XRCC6: variants seen among roughly 807,000 people sequenced by gnomAD.
XRCC6 encodes the protein DNA repair protein Ku70.
XRCC6 carries 5 observed loss-of-function variants against 65.7 expected under a neutral mutation model. The ratio of observed to expected loss-of-function variants is 0.08; its 90% CI spans 0.04 to 0.16. XRCC6 has a LOEUF of 0.16. Among genes scored for constraint, XRCC6 ranks in the 10% least tolerant of loss-of-function variants. The pLI is 1.00. For synonymous variants in XRCC6, 270 were observed against 270.6 expected (o/e 1.00, Z 0.02); for missense variants, 447 against 738.1 (o/e 0.61, Z 4.57).
intron 8 of XRCC6, among the ~76,000 whole-genome samples, chr22:41,651,814 G>T (rs2068001636): frequency 1.4e-5 from 2 of 147,790 alleles, no homozygotes; most frequent in Non-Finnish European, 1.5e-5. Context: ...TCATTTTTTT[G>T]TTGTTGTCGC....
At chr22:41,657,148 T>C (rs2068052500) in intron 10 of XRCC6, 116 bp downstream of exon 10, 3 of 1,249,122 alleles carry the variant, frequency 2.4e-6, no homozygotes, top group South Asian at 1.8e-5. Flanking sequence ...GACAGATTAC[T>C]ACTTGTTATT....
chr22:41,635,423 A>G (rs141797912), intron 3 of XRCC6, among the ~76,000 whole-genome samples: 2 of 152,346 alleles, frequency 1.3e-5, no homozygotes, highest in East Asian at 3.9e-4. Flanking sequence ...AGATCACATG[A>G]CCTGTCCAAA....
intron 8 of XRCC6, 39 bp downstream of exon 8, chr22:41,650,930 C>T: frequency 1.2e-6 from 2 of 1,610,932 alleles, no homozygotes; most frequent in Non-Finnish European, 1.7e-6. Flanking sequence ...CTCTAACACA[C>T]AGTGCAGTTT....
At chr22:41,644,967 T>C (rs543955745) in intron 6 of XRCC6, among the ~76,000 whole-genome samples, 27 of 152,204 alleles carry the variant, frequency 1.8e-4, no homozygotes, top group Admixed American at 3.3e-4. Context: ...CCCTCACTTA[T>C]AGAAGGTCAA....
intron 2 of XRCC6, among the ~76,000 whole-genome samples, chr22:41,624,922 G>A (rs1274578408): frequency 4.0e-5 from 6 of 151,842 alleles, no homozygotes; most frequent in Non-Finnish European, 7.4e-5. Context: ...GCGTGAACCC[G>A]GGAGGCGGAG....
At position 41,636,109 on chromosome 22, in the gene XRCC6, T is replaced by G. The variant is rs749103279; in HGVS notation, c.196-4T>G. On this transcript the variant is annotated splice_polypyrimidine_tract_variant and splice_region_variant and intron_variant, in intron 3 of 12. Transcript: ENST00000360079. ...GTAAATATTAATTGAATTTTTTTTT[T>G]CAGTGTATCCAAAGTGTGTACATCA... 6.4e-7 allele frequency: 1 copy of G among 1,572,072 alleles called. No individual in the cohort carries two copies. The highest frequency in any genetic ancestry group is 1.4e-5 in the African/African-American group (1 of 72,324).
intron 3 of XRCC6, among the ~76,000 whole-genome samples, chr22:41,633,522 A>G (rs2067778792): frequency 6.6e-6 from 1 of 151,656 alleles, no homozygotes; most frequent in Non-Finnish European, 1.5e-5. Context: ...GACTACAGGC[A>G]CCCACCACCA....
chr22:41,622,144 T>C, intron 2 of XRCC6, 58 bp downstream of exon 2: 1 of 1,564,610 alleles, frequency 6.4e-7, no homozygotes, highest in Non-Finnish European at 8.8e-7. Flanking sequence ...CTTCCCTGCC[T>C]ATCTCTGCTG....
chr22:41,656,201 G>A (rs529531692), intron 9 of XRCC6, among the ~76,000 whole-genome samples: 3 of 131,178 alleles, frequency 2.3e-5, no homozygotes, highest in East Asian at 4.9e-4. Context: ...CTGGGTGATA[G>A]CAAGATCCTG....
rs1344429259 is a variant in XRCC6 at position 41,663,968 on chromosome 22, G to A, written c.*153G>A. On this transcript the variant is annotated 3_prime_UTR_variant, in exon 13 of 13. Coordinates refer to ENST00000360079, the MANE Select transcript of XRCC6 (RefSeq NM_001469.5). ...GTTTTTGAGGCTTTCTGTTGCCATG[G>A]TGATGGTGTAGCCCTCCCACTTTGC... is the stretch of plus-strand genomic sequence containing the variant. 8.4e-6 allele frequency: 7 copies of A among 829,026 alleles called. No individual in the cohort carries two copies. The highest frequency in any genetic ancestry group is 1.3e-5 in the Non-Finnish European group (7 of 534,966). 51.4% of individuals were successfully genotyped at this position (829,026 alleles called of 1,614,324 possible). A position where few individuals can be genotyped will look rare whatever the true frequency, so the allele number is the denominator to read the frequency against.
intron 3 of XRCC6, among the ~76,000 whole-genome samples, chr22:41,634,576 G>A (rs1473194927): frequency 1.0e-4 from 15 of 144,026 alleles, no homozygotes; most frequent in African/African-American, 2.6e-4. Context: ...ATGGAGTCTC[G>A]CTCTGTTGCC....
At chr22:41,633,556 G>GT (rs1458197326) in intron 3 of XRCC6, among the ~76,000 whole-genome samples, 1 of 151,950 alleles carries the variant, frequency 6.6e-6, no homozygotes, top group Non-Finnish European at 1.5e-5. Context: ...TTTTGTTCTT[G>GT]TTTTTTAGTA....
chr22:41,626,392 C>A (rs1434190642), intron 2 of XRCC6, among the ~76,000 whole-genome samples: 2 of 152,206 alleles, frequency 1.3e-5, no homozygotes, highest in African/African-American at 4.8e-5. Flanking sequence ...CCACATGCCT[C>A]GGCCTCCCAA....
At chr22:41,656,848 C>G in intron 9 of XRCC6, 55 bp from the exon 10 acceptor site, 1 of 1,608,144 alleles carries the variant, frequency 6.2e-7, no homozygotes, top group East Asian at 2.2e-5. Flanking sequence ...AGCTGAGAAA[C>G]AAGTGACTGC....
chr22:41,622,215 C>G, intron 2 of XRCC6, 129 bp downstream of exon 2: 5 of 1,035,166 alleles, frequency 4.8e-6, no homozygotes, highest in Non-Finnish European at 7.1e-6. Context: ...AAATTCTTTT[C>G]TTCCTTTGAA....
chr22:41,635,432 A>G (rs1054031475), intron 3 of XRCC6, among the ~76,000 whole-genome samples: 1 of 152,192 alleles, frequency 6.6e-6, no homozygotes, highest in African/African-American at 2.4e-5. Context: ...GACCTGTCCA[A>G]ATTCAGCCAG....
intron 7 of XRCC6, among the ~76,000 whole-genome samples, chr22:41,648,861 G>T (rs961839471): frequency 2.6e-5 from 4 of 151,748 alleles, no homozygotes; most frequent in African/African-American, 9.7e-5. Flanking sequence ...TTCTTTCTTG[G>T]TCCAGTATGT....
intron 3 of XRCC6, among the ~76,000 whole-genome samples, chr22:41,631,241 G>A (rs1005743656): frequency 4.2e-4 from 62 of 146,584 alleles, no homozygotes; most frequent in African/African-American, 1.1e-3. Context: ...CTCACCTCCC[G>A]GATGGGGCGG....
intron 3 of XRCC6, among the ~76,000 whole-genome samples, chr22:41,628,809 A>C (rs989990444): frequency 4.0e-5 from 6 of 151,790 alleles, no homozygotes; most frequent in African/African-American, 1.5e-4. Context: ...CTAACAATGC[A>C]AAAATAATTA....
Sources: gnomAD v4.1 joint callset for allele counts (sites outside exome capture counted in the v4.1 genomes callset) on GRCh38, gnomAD v4.1.1 for gene constraint, MANE v1.5 for transcripts, NCBI Gene and HGNC (gene_info 2026-07-23, HGNC 2026-07-21) for gene names.